MAPKAPK2: variants seen among roughly 807,000 people sequenced by gnomAD.
MAPKAPK2 encodes MAP kinase-activated protein kinase 2.
In MAPKAPK2, 9 loss-of-function variants were observed where a neutral mutation model predicts 48.8. That is an observed-to-expected ratio of 0.18 (90% CI 0.11 to 0.32). The LOEUF is 0.32. Ranked by LOEUF, MAPKAPK2 falls within the 10% of genes least tolerant of loss-of-function variation. The probability of loss-of-function intolerance (pLI) is 1.00; values close to 1 mark genes in which losing one functional copy is unlikely to be tolerated. For missense variants in MAPKAPK2, 331 were observed against 498.3 expected (o/e 0.66, Z 3.20); for synonymous variants, 202 against 190.6 (o/e 1.06, Z -0.49).
chr1:206,722,311 G>T (rs1673546851), intron 1 of MAPKAPK2, among the ~76,000 whole-genome samples: 1 of 152,038 alleles, frequency 6.6e-6, no homozygotes, highest in African/African-American at 2.4e-5. Context: ...AGTGAGCGGA[G>T]ATCGTGCCAC....
chr1:206,729,370 C>T (rs1297102853), intron 3 of MAPKAPK2, 26 bp from the exon 4 acceptor site: 1 of 1,581,040 alleles, frequency 6.3e-7, no homozygotes, highest in Non-Finnish European at 8.7e-7. Context: ...CTTTCTTTCC[C>T]ACTCACTCTT....
chr1:206,707,055 C>T (rs1162560044), intron 1 of MAPKAPK2, among the ~76,000 whole-genome samples: 5 of 152,174 alleles, frequency 3.3e-5, no homozygotes, highest in African/African-American at 9.7e-5. Context: ...ACTGCAGCCG[C>T]GCTCTTCTCT....
chr1:206,691,325 T>C (rs989753167), intron 1 of MAPKAPK2, among the ~76,000 whole-genome samples: 4 of 151,792 alleles, frequency 2.6e-5, no homozygotes, highest in African/African-American at 9.7e-5. Flanking sequence ...TCAGCTAGGA[T>C]CTTTCCACAT....
chr1:206,685,270 TCCCC>T lies in MAPKAPK2; in HGVS notation c.42_45del (p.Phe14LeufsTer121). ...CAGGGCCAGAGCCCGCCGGTGCCGTTCCCCGCCCCGGCCCCGCCGCCGCAGCCCC... is the reference window on the plus strand; with the variant it reads ...CAGGGCCAGAGCCCGCCGGTGCCGTTGCCCCGGCCCCGCCGCCGCAGCCCC... On this transcript the variant is annotated frameshift_variant, in exon 1 of 10. Transcript: ENST00000367103. LOFTEE classifies it high-confidence loss of function. The T allele has an allele frequency of 1.8e-6, 1 of 566,976 alleles. No individual in the cohort carries two copies. Among genetic ancestry groups the T allele is most frequent in the Non-Finnish European group, 2.6e-6 (1 of 379,584 alleles). 35.1% of individuals were successfully genotyped at this position (566,976 alleles called of 1,614,324 possible). A position where few individuals can be genotyped will look rare whatever the true frequency, so the allele number is the denominator to read the frequency against.
At chr1:206,685,657 G>A (rs1185362135) in intron 1 of MAPKAPK2, 149 bp downstream of exon 1, 7 of 515,594 alleles carry the variant, frequency 1.4e-5, no homozygotes, top group African/African-American at 4.2e-5. Context: ...CGGCGGTGCC[G>A]AGTGCGGCGC....
intron 1 of MAPKAPK2, among the ~76,000 whole-genome samples, chr1:206,720,606 C>G (rs1469339831): frequency 1.3e-5 from 2 of 152,124 alleles, no homozygotes; most frequent in Non-Finnish European, 2.9e-5. Flanking sequence ...TAATCTGCCC[C>G]CCTTGGCCTC....
Position 206,696,227 on chromosome 1 carries a change from T to A in MAPKAPK2, c.279+10719T>A. On this transcript the variant is annotated intron_variant, in intron 1 of 9. Transcript: ENST00000367103. ...TCAGCCACCTGAGGTCTGAGGCTGA[T>A]GACCTGTTCTTCCTTCTTTTCCTTC... is the stretch of plus-strand genomic sequence containing the variant. 3.5e-6 allele frequency: 5 copies of A among 1,420,138 alleles called. No individual in the cohort carries two copies. The South Asian group carries it at 4.6e-5, about 13-fold the overall frequency. The allele number at this position is 1,420,138 out of a possible 1,614,324, so 88.0% of individuals were successfully genotyped here.
At chr1:206,730,661 C>T (rs1673872242) in intron 5 of MAPKAPK2, 27 bp from the exon 6 acceptor site, 2 of 1,603,076 alleles carry the variant, frequency 1.2e-6, no homozygotes, top group African/African-American at 1.3e-5. Flanking sequence ...GAGGGCCGGC[C>T]CACCCATGTT....
At chr1:206,716,831 G>T (rs1411835972) in intron 1 of MAPKAPK2, among the ~76,000 whole-genome samples, 1 of 151,916 alleles carries the variant, frequency 6.6e-6, no homozygotes, top group Non-Finnish European at 1.5e-5. Flanking sequence ...CTAAGAACAT[G>T]ATCTTTCTCT....
chr1:206,726,374 G>A lies in MAPKAPK2; in HGVS notation c.280-2336G>A, dbSNP rs114489112. Among the ~76,000 whole-genome samples, 882 of 152,352 alleles carry A rather than the reference G, an allele frequency of 5.8e-3. 5 individuals are homozygous for A. The highest frequency in any genetic ancestry group is 0.01 in the Middle Eastern group (3 of 294). On this transcript the variant is annotated intron_variant, in intron 1 of 9. Transcript: ENST00000367103. ...TGCACTCCAGCCTGGGCAACAGAGC[G>A]AGACCCTGTCTCAGAAACAAACAAA...
chr1:206,728,963 A>AT, intron 2 of MAPKAPK2, 72 bp from the exon 3 acceptor site: 1 of 1,611,848 alleles, frequency 6.2e-7, no homozygotes. Flanking sequence ...TAAACACTTG[A>AT]TTTTTTGGGG....
chr1:206,727,568 T>C (rs1673740811), intron 1 of MAPKAPK2, among the ~76,000 whole-genome samples: 1 of 152,138 alleles, frequency 6.6e-6, no homozygotes, highest in South Asian at 2.1e-4. Flanking sequence ...CCAGGTGCCA[T>C]ATGCAGGAGA....
chr1:206,731,669 A>G lies in MAPKAPK2; in HGVS notation c.922A>G (p.Thr308Ala). 6.2e-7 allele frequency: 1 copy of G among 1,614,010 alleles called. No homozygotes were observed. Among genetic ancestry groups the G allele is most frequent in the Non-Finnish European group, 8.5e-7 (1 of 1,179,962 alleles). The change falls in exon 8 of 10, where the codon ACA (threonine) becomes GCA (alanine). Residue 308 changes from threonine (T) to alanine (A), a missense_variant. By Grantham distance (58) the Thr-to-Ala change is moderately conservative. Around this residue, in one of 4 missense-constraint regions of MAPKAPK2, gnomAD observed 124 missense variants for 194.6 expected, o/e 0.64. Coordinates refer to ENST00000367103, the MANE Select transcript of MAPKAPK2 (RefSeq NM_032960.4). The surrounding 1 kb of genome is among the most constrained non-coding windows in gnomAD (Gnocchi z 5.9). ...VKMLIRNLLKTEPTQRMTITE... is the reference protein window; with the variant it reads ...VKMLIRNLLKAEPTQRMTITE... ...GATGCTCATTCGGAATCTGCTGAAA[A>G]CAGAGCCCACCCAGAGAATGACCAT...
chr1:206,702,867 A>G (rs1296263698), intron 1 of MAPKAPK2, among the ~76,000 whole-genome samples: 1 of 152,166 alleles, frequency 6.6e-6, no homozygotes, highest in African/African-American at 2.4e-5. Flanking sequence ...TTCTGGTAGA[A>G]CTGTATTTAT....
intron 1 of MAPKAPK2, among the ~76,000 whole-genome samples, chr1:206,720,443 C>T (rs1474371410): frequency 6.6e-6 from 1 of 152,186 alleles, no homozygotes; most frequent in Non-Finnish European, 1.5e-5. Flanking sequence ...CCTCCGCTTC[C>T]TGGGTTCAAG....
At chr1:206,714,560 C>T (rs1415645550) in intron 1 of MAPKAPK2, among the ~76,000 whole-genome samples, 5 of 150,834 alleles carry the variant, frequency 3.3e-5, no homozygotes, top group Admixed American at 1.3e-4. Context: ...GTCAGGAGTT[C>T]GAAACTAAGC....
chr1:206,722,216 C>T (rs1206681687), intron 1 of MAPKAPK2, among the ~76,000 whole-genome samples: 2 of 151,904 alleles, frequency 1.3e-5, no homozygotes, highest in African/African-American at 4.8e-5. Flanking sequence ...AAAAATTAGC[C>T]AGGCGTGGTG....
chr1:206,707,193 G>T (rs782401358), intron 1 of MAPKAPK2, among the ~76,000 whole-genome samples: 3 of 152,008 alleles, frequency 2.0e-5, no homozygotes, highest in Non-Finnish European at 2.9e-5. Flanking sequence ...TTTCCCCTAG[G>T]TGATGACCAC....
At chr1:206,708,466 G>C (rs1296281194) in intron 1 of MAPKAPK2, among the ~76,000 whole-genome samples, 1 of 152,136 alleles carries the variant, frequency 6.6e-6, no homozygotes, top group Non-Finnish European at 1.5e-5. Context: ...ATGTCTCTAC[G>C]TGTTTCAATC....
Sources: allele counts gnomAD v4.1 joint callset (sites outside exome capture counted in the v4.1 genomes callset), GRCh38; gene constraint gnomAD v4.1.1; regional missense constraint gnomAD v4.1.1; non-coding constraint Gnocchi (gnomAD v3.1); transcripts MANE v1.5; gene names NCBI Gene and HGNC (gene_info 2026-07-23, HGNC 2026-07-21).